SPATA17: variants seen among roughly 807,000 people sequenced by gnomAD.
SPATA17 encodes the protein spermatogenesis-associated protein 17.
Under a neutral mutation model 62.2 loss-of-function variants are expected in SPATA17, and 53 were observed. The ratio of observed to expected loss-of-function variants is 0.85; its 90% CI spans 0.68 to 1.07. SPATA17 has a LOEUF of 1.07. Among genes scored for constraint, SPATA17 ranks in the 50% least tolerant of loss-of-function variants. The pLI, the probability that SPATA17 is intolerant of heterozygous loss-of-function variation, is 0.00. For missense variants in SPATA17, 466 were observed against 425.5 expected, an observed-to-expected ratio of 1.10 and a Z score of -0.84; for synonymous variants, 146 against 146.8, an observed-to-expected ratio of 0.99 and a Z score of 0.04.
chr1:217,765,196 T>G (rs1673267863), intron 6 of SPATA17, among the ~76,000 whole-genome samples: 1 of 151,928 alleles, frequency 6.6e-6, no homozygotes, highest in Non-Finnish European at 1.5e-5. Context: ...ATAATTAATT[T>G]TATTTATCTT....
intron 9 of SPATA17, among the ~76,000 whole-genome samples, chr1:217,838,463 G>A (rs1244859077): frequency 6.6e-6 from 1 of 151,866 alleles, no homozygotes. Flanking sequence ...GTCCATTAAA[G>A]AAATGATACA....
chr1:217,802,217 A>G (rs562325678), intron 9 of SPATA17, among the ~76,000 whole-genome samples: 1 of 152,246 alleles, frequency 6.6e-6, no homozygotes, highest in East Asian at 1.9e-4. Context: ...ATGTATGTTT[A>G]TAGATAGCTA....
chr1:217,726,215 A>C lies in SPATA17; in HGVS notation c.396-15760A>C, dbSNP rs7552872. On this transcript the variant is annotated intron_variant, in intron 5 of 10. Coordinates refer to ENST00000366933, the MANE Select transcript of SPATA17 (RefSeq NM_138796.4). ...GCTGTGCTTTTGTCACTATCCTCCC[A>C]AGTCCTGTTTGACCGCCTGTCACTG... 2.5e-3 allele frequency among the ~76,000 whole-genome samples: 374 copies of C among 152,318 alleles called. 1 individual carries two copies. Among genetic ancestry groups the C allele is most frequent in the African/African-American group, 8.4e-3 (348 of 41,574 alleles).
chr1:217,730,307 T>C (rs1672375112), intron 5 of SPATA17, among the ~76,000 whole-genome samples: 1 of 151,568 alleles, frequency 6.6e-6, no homozygotes, highest in African/African-American at 2.4e-5. Flanking sequence ...AACCTCTGTC[T>C]CCCGGGTTCC....
Position 217,792,069 on chromosome 1 carries a change from T to TA in SPATA17, c.873-9640dup, listed in dbSNP as rs917051111. Among the ~76,000 whole-genome samples the TA allele has an allele frequency of 2.1e-3, 313 of 151,786 alleles. 1 individual carries two copies. Among genetic ancestry groups the TA allele is most frequent in the African/African-American group, 7.0e-3 (290 of 41,432 alleles). On this transcript the variant is annotated intron_variant, in intron 8 of 10. Transcript: ENST00000366933. The stretch of plus-strand genomic sequence containing the variant: ...TACACTAATGATAGCTGATAAACTT[T>TA]AAAAAAAAATCACAACAAATAATTT...
rs529069091 is a variant in SPATA17 at position 217,768,352 on chromosome 1, G to A, written c.520-5982G>A. 1.1e-3 allele frequency among the ~76,000 whole-genome samples: 161 copies of A among 152,208 alleles called. 1 individual carries two copies. The highest frequency in any genetic ancestry group is 1.9e-3 in the African/African-American group (79 of 41,508). On this transcript the variant is annotated intron_variant, in intron 6 of 10. Coordinates refer to ENST00000366933, the MANE Select transcript of SPATA17 (RefSeq NM_138796.4). ...CAACCCCAATCTTTACAAGCTCATC[G>A]CTAACAATAACCTCATGCTTAAACT... is the stretch of plus-strand genomic sequence containing the variant.
At position 217,696,036 on chromosome 1, in the gene SPATA17, T is replaced by C. The variant is rs1488806712; in HGVS notation, c.395+12675T>C. Among the ~76,000 whole-genome samples, 348 of 152,056 alleles carry C rather than the reference T, an allele frequency of 2.3e-3. 3 individuals are homozygous for C. Among genetic ancestry groups the C allele is most frequent in the African/African-American group, 7.7e-3 (320 of 41,508 alleles). On this transcript the variant is annotated intron_variant, in intron 5 of 10. Coordinates refer to ENST00000366933, the MANE Select transcript of SPATA17 (RefSeq NM_138796.4). ...TGGGCTCCACCCAGTTCGAGCTTCC[T>C]GGCTGCTTTGTTTACCTAAGCAAGC...
intron 9 of SPATA17, chr1:217,850,628 C>G (rs774868870): frequency 6.3e-7 from 1 of 1,591,816 alleles, no homozygotes; most frequent in Non-Finnish European, 8.6e-7. Context: ...TCACGAAGAT[C>G]TGCATTTTGA....
chr1:217,751,663 G>A (rs1672908501), intron 6 of SPATA17, among the ~76,000 whole-genome samples: 1 of 152,200 alleles, frequency 6.6e-6, no homozygotes, highest in Admixed American at 6.5e-5. Flanking sequence ...TGAAGAGACA[G>A]AGTGAAGTGG....
chr1:217,758,875 T>G (rs1673108089), intron 6 of SPATA17, among the ~76,000 whole-genome samples: 1 of 152,144 alleles, frequency 6.6e-6, no homozygotes, highest in African/African-American at 2.4e-5. Flanking sequence ...TATTGATCTT[T>G]AAGGTTATAT....
At chr1:217,772,111 T>A (rs1485759420) in intron 6 of SPATA17, among the ~76,000 whole-genome samples, 1 of 150,676 alleles carries the variant, frequency 6.6e-6, no homozygotes, top group East Asian at 2.0e-4. Context: ...TTTAAAAATA[T>A]AACATTTATT....
chr1:217,839,446 T>G (rs971822896), intron 9 of SPATA17, among the ~76,000 whole-genome samples: 25 of 152,128 alleles, frequency 1.6e-4, no homozygotes, highest in African/African-American at 6.0e-4. Context: ...TTTTTTAAAC[T>G]GATCCAGAAT....
chr1:217,845,954 A>G (rs1351954013), intron 9 of SPATA17, among the ~76,000 whole-genome samples: 2 of 152,106 alleles, frequency 1.3e-5, no homozygotes, highest in Non-Finnish European at 2.9e-5. Flanking sequence ...TTAGGGGTCT[A>G]AACATTAATA....
chr1:217,659,778 C>A lies in SPATA17; in HGVS notation c.240+8600C>A, dbSNP rs111659636. Among the ~76,000 whole-genome samples the A allele has an allele frequency of 7.1e-3, 1,083 of 152,198 alleles. 15 individuals are homozygous for A. Among genetic ancestry groups the A allele is most frequent in the African/African-American group, 0.025 (1,031 of 41,518 alleles). On this transcript the variant is annotated intron_variant, in intron 3 of 10. Transcript: ENST00000366933. ...AAATCGAACCCTGAGAAACAGTCAT[C>A]CTAGACTCTCTACCACCTCTTGTTC...
chr1:217,662,928 C>CAT (rs1431926324), intron 3 of SPATA17, among the ~76,000 whole-genome samples: 2 of 151,988 alleles, frequency 1.3e-5, no homozygotes, highest in African/African-American at 4.8e-5. Context: ...AAAACTGAAA[C>CAT]ATATATATAT....
chr1:217,730,417 A>G (rs1281965439), intron 5 of SPATA17, among the ~76,000 whole-genome samples: 2 of 151,932 alleles, frequency 1.3e-5, no homozygotes, highest in South Asian at 2.1e-4. Context: ...GGGTTTCACC[A>G]TGTTGGCCAT....
intron 3 of SPATA17, among the ~76,000 whole-genome samples, chr1:217,660,517 T>C (rs932867779): frequency 4.6e-5 from 7 of 152,214 alleles, no homozygotes; most frequent in Admixed American, 2.0e-4. Context: ...TGTATTCTTG[T>C]TCAAAATTAG....
chr1:217,681,227 AAAAT>A (rs533297679), intron 4 of SPATA17, among the ~76,000 whole-genome samples: 7,434 of 151,140 alleles, frequency 0.049, 243 homozygotes, highest in Middle Eastern at 0.12. Flanking sequence ...CTCTGTCTCA[AAAAT>A]AAATAAATAA....
chr1:217,823,698 G>A (rs1056635989), intron 9 of SPATA17, among the ~76,000 whole-genome samples: 1 of 151,898 alleles, frequency 6.6e-6, no homozygotes, highest in Non-Finnish European at 1.5e-5. Flanking sequence ...GTTCATTGCT[G>A]AAAATGGGGT....
Sources: allele counts gnomAD v4.1 joint callset (sites outside exome capture counted in the v4.1 genomes callset), GRCh38; gene constraint gnomAD v4.1.1; transcripts MANE v1.5; gene names NCBI Gene and HGNC (gene_info 2026-07-23, HGNC 2026-07-21).